ANO7: variants seen among roughly 807,000 people sequenced by gnomAD.
ANO7 encodes anoctamin 7, also known as anoctamin-7.
In ANO7, 114 loss-of-function variants were observed where a neutral mutation model predicts 115.8. That is an observed-to-expected ratio of 0.98 (90% CI 0.85 to 1.15). The LOEUF is 1.15. Ranked by LOEUF, ANO7 falls within the 50% of genes most tolerant of loss-of-function variation. The pLI is 0.00. For missense variants in ANO7, 1,302 were observed against 1,201.2 expected, an observed-to-expected ratio of 1.08 and a Z score of -1.24; for synonymous variants, 550 against 498.2, an observed-to-expected ratio of 1.10 and a Z score of -1.38.
rs139910519 is a variant in ANO7, at chr2:241,195,711, G to A, written c.175G>A (p.Val59Ile). The change falls in exon 4 of 25, where the codon GTC becomes ATC. Residue 59 changes from valine to isoleucine, a missense_variant. Transcript: ENST00000674324. ...SPAKPRIADF[V>I]LVWEEDLKLD... The stretch of plus-strand genomic sequence containing the variant: ...TCCCTGTTGGCTCCCAGCAGACTTC[G>A]TCCTCGTTTGGGAGGAGGACCTGAA... 3.5e-5 allele frequency: 57 copies of A among 1,613,998 alleles called. No individual in the cohort carries two copies. The highest frequency in any genetic ancestry group is 9.3e-5 in the African/African-American group (7 of 74,960).
Position 241,215,031 on chromosome 2 carries a change from G to A in ANO7, c.1826+129G>A, listed in dbSNP as rs574645248. ...AGGGAAGGCACCTTGCCTGGGGAGG[G>A]GGAGGGGGAGTGTGCCCGGCCGTCT... On this transcript the variant is annotated intron_variant, in intron 18 of 24. Transcript: ENST00000674324. The A allele has an allele frequency of 5.5e-5, 47 of 855,904 alleles. No homozygotes were observed. The South Asian group carries it at 8.1e-4, about 15-fold the overall frequency. 53.0% of individuals were successfully genotyped at this position (855,904 alleles called of 1,614,324 possible).
chr2:241,216,132 CAAG>C lies in ANO7; in HGVS notation c.1871_1873del (p.Lys624del), dbSNP rs2068823376. On this transcript the variant is annotated inframe_deletion, in exon 19 of 25. Transcript: ENST00000674324. ...GGTGGCAGAAGTTCCGGCTTCGCTC[CAAG>C]AAGAGGAAGGCGGGAGCTTCTGCAG... The C allele has an allele frequency of 6.2e-7, 1 of 1,612,950 alleles. No individual in the cohort carries two copies. Among genetic ancestry groups the C allele is most frequent in the Non-Finnish European group, 8.5e-7 (1 of 1,179,794 alleles).
intron 10 of ANO7, among the ~76,000 whole-genome samples, chr2:241,206,548 G>C (rs1236416017): frequency 1.2e-4 from 4 of 33,050 alleles, no homozygotes; most frequent in Non-Finnish European, 2.2e-4. Flanking sequence ...GTGGACAGGA[G>C]TGCTCCCAGG....
Position 241,224,112 on chromosome 2 carries a change from A to G in ANO7, c.2599A>G (p.Thr867Ala), listed in dbSNP as rs2069098157. Residue 867 changes from threonine to alanine, a missense_variant, in exon 25 of 25, where the codon ACA (threonine) becomes GCA (alanine). By Grantham distance (58) the Thr-to-Ala change is moderately conservative. Coordinates refer to ENST00000674324, the MANE Select transcript of ANO7 (RefSeq NM_001370694.2). ...CTCTCCCCAGCTCAGCTCCCACTGG[A>G]CACCCTTCACGGTTCCCAAGGCCAG... ...PEGSELSSHW[T>A]PFTVPKASQL... The G allele has an allele frequency of 6.2e-7, 1 of 1,613,962 alleles. No homozygotes were observed. Among genetic ancestry groups the G allele is most frequent in the Non-Finnish European group, 8.5e-7 (1 of 1,179,966 alleles).
At chr2:241,223,105 G>T in intron 21 of ANO7, 81 bp from the exon 22 acceptor site, 1 of 1,244,206 alleles carries the variant, frequency 8.0e-7, no homozygotes, top group South Asian at 1.3e-5. Flanking sequence ...TGGAAAAAGG[G>T]GAGATAGGCT....
At chr2:241,196,236 C>T in intron 4 of ANO7, 1 of 977,240 alleles carries the variant, frequency 1.0e-6, no homozygotes, top group Non-Finnish European at 1.3e-6. Flanking sequence ...CACATGTTTG[C>T]TTTCGGTGAT....
chr2:241,228,470 C>T (rs923769098), downstream of ANO7: 7 of 152,424 alleles, frequency 4.6e-5, no homozygotes, highest in African/African-American at 1.4e-4. Context: ...CCTGCACAGC[C>T]GGATGGCCTG....
chr2:241,207,511 C>T, intron 10 of ANO7, 63 bp from the exon 11 acceptor site: 1 of 1,427,314 alleles, frequency 7.0e-7, no homozygotes, highest in Non-Finnish European at 9.8e-7. Context: ...AGGCGCCTGG[C>T]TGGGAGGAGC....
At chr2:241,238,633 C>CT in the ANO7 span, 133 of 1,543,272 alleles carry the variant, frequency 8.6e-5, no homozygotes, top group East Asian at 2.1e-3. The surrounding 1 kb of genome is among the most constrained non-coding windows in gnomAD (Gnocchi z 4.9). Flanking sequence ...CAGAGCAGGG[C>CT]TAATGGGGGA....
chr2:241,208,870 C>T (rs1223563696), intron 11 of ANO7, among the ~76,000 whole-genome samples: 8 of 152,330 alleles, frequency 5.3e-5, no homozygotes, highest in East Asian at 1.9e-4. Context: ...AGTCAGGGGG[C>T]TGGGCACGGT....
intron 2 of ANO7, 38 bp from the exon 3 acceptor site, chr2:241,191,156 T>C: frequency 6.2e-7 from 1 of 1,612,820 alleles, no homozygotes; most frequent in Non-Finnish European, 8.5e-7. Context: ...GGGCAGATGC[T>C]GATGCTGATA....
chr2:241,192,732 TATTCAGCCTTA>T (rs2068234325), intron 3 of ANO7, among the ~76,000 whole-genome samples: 1 of 152,214 alleles, frequency 6.6e-6, no homozygotes, highest in Non-Finnish European at 1.5e-5. Context: ...CCAACGGATT[TATTCAGCCTTA>T]AAAAGGCAGA....
Position 241,209,626 on chromosome 2 carries a change from CGTGGTGATG to C in ANO7, c.1353_1359+2del. 1 of 1,562,998 alleles carries C rather than the reference CGTGGTGATG, an allele frequency of 6.4e-7. No homozygotes were observed. Among genetic ancestry groups the C allele is most frequent in the Non-Finnish European group, 8.7e-7 (1 of 1,155,948 alleles). On this transcript the variant is annotated inframe_deletion and splice_region_variant, in exon 13 of 25. Transcript: ENST00000674324. Reference sequence around the variant, plus strand: ...GCATGCTGGCCGGCTCTGTGGTGATCGTGGTGATGGTATGCGGTCCCCCTGCCCTCCGCT... The same window carrying C: ...GCATGCTGGCCGGCTCTGTGGTGATCGTATGCGGTCCCCCTGCCCTCCGCT...
At chr2:241,213,692 G>A (rs551771877) in intron 17 of ANO7, among the ~76,000 whole-genome samples, 2 of 152,344 alleles carry the variant, frequency 1.3e-5, no homozygotes, top group Admixed American at 1.3e-4. Context: ...ATCCACAGGT[G>A]GCCTCTGGGC....
At position 241,218,389 on chromosome 2, in the gene ANO7, C is replaced by G. The variant is rs577243934; in HGVS notation, c.2321+8C>G. 128 of 1,363,546 alleles carry G rather than the reference C, an allele frequency of 9.4e-5. 1 individual carries two copies. Among genetic ancestry groups the G allele is most frequent in the African/African-American group, 8.2e-4 (55 of 66,724 alleles). 84.5% of individuals were successfully genotyped at this position (1,363,546 alleles called of 1,614,324 possible). On this transcript the variant is annotated splice_region_variant and intron_variant, in intron 21 of 24. Coordinates refer to ENST00000674324, the MANE Select transcript of ANO7 (RefSeq NM_001370694.2). ...GCACAACCGCACGTGCAGGTGAGCC[C>G]CGCGCCAGGTGGAGGGGGCCGCGGG...
At chr2:241,195,680 C>T in intron 3 of ANO7, 23 bp from the exon 4 acceptor site, 1 of 1,611,510 alleles carries the variant, frequency 6.2e-7, no homozygotes, top group Non-Finnish European at 8.5e-7. Flanking sequence ...CAGGCTCCTG[C>T]CTCTGTCCCT....
chr2:241,234,656 C>T, the ANO7 span, among the ~76,000 whole-genome samples: 1 of 152,194 alleles, frequency 6.6e-6, no homozygotes, highest in East Asian at 1.9e-4. Context: ...GCGTCTGCAG[C>T]GCTCCGCTCA....
chr2:241,208,946 G>T (rs28408394), intron 11 of ANO7, among the ~76,000 whole-genome samples: 5 of 151,960 alleles, frequency 3.3e-5, no homozygotes, highest in Non-Finnish European at 5.9e-5. Context: ...TCAGAAGATC[G>T]AGACCATCCT....
chr2:241,232,171 C>G, the ANO7 span, among the ~76,000 whole-genome samples: 2 of 152,170 alleles, frequency 1.3e-5, no homozygotes, highest in Non-Finnish European at 2.9e-5. Context: ...ACCTCAAGAT[C>G]GGAAGCACAG....
Sources: gnomAD v4.1 joint callset for allele counts (sites outside exome capture counted in the v4.1 genomes callset) on GRCh38, gnomAD v4.1.1 for gene constraint, Gnocchi (gnomAD v3.1) non-coding constraint, MANE v1.5 for transcripts, NCBI Gene and HGNC (gene_info 2026-07-23, HGNC 2026-07-21) for gene names.